C12orf42: variants seen among roughly 807,000 people sequenced by gnomAD.
C12orf42 encodes the protein chromosome 12 open reading frame 42.
Under a neutral mutation model 21.6 loss-of-function variants are expected in C12orf42, and 25 were observed. That is an observed-to-expected ratio of 1.16 (90% CI 0.84 to 1.62). The LOEUF is 1.62. Among genes scored for constraint, C12orf42 ranks in the 40% most tolerant of loss-of-function variants. The pLI is 0.00. For missense variants in C12orf42, 483 were observed against 459.3 expected, an observed-to-expected ratio of 1.05 and a Z score of -0.47; for synonymous variants, 174 against 175.0, an observed-to-expected ratio of 0.99 and a Z score of 0.05.
chr12:103,247,594 T>C (rs556954252), intron 10 of C12orf42, among the ~76,000 whole-genome samples: 2 of 152,160 alleles, frequency 1.3e-5, no homozygotes, highest in East Asian at 3.9e-4. Flanking sequence ...GGCCAGCTTG[T>C]CCTCCTCACA....
chr12:103,540,326 C>T, the C12orf42 span, among the ~76,000 whole-genome samples: 1 of 152,114 alleles, frequency 6.6e-6, no homozygotes, highest in Non-Finnish European at 1.5e-5. Flanking sequence ...TTCTCATCTG[C>T]ACTTCTTAAT....
chr12:103,485,874 T>C (rs933448546), intron 1 of C12orf42, among the ~76,000 whole-genome samples: 3 of 152,230 alleles, frequency 2.0e-5, no homozygotes, highest in Non-Finnish European at 4.4e-5. Context: ...GACTTGGGGC[T>C]GAGATGATGG....
intron 5 of C12orf42, among the ~76,000 whole-genome samples, chr12:103,304,848 C>T (rs1026813531): frequency 6.6e-6 from 1 of 152,182 alleles, no homozygotes; most frequent in South Asian, 2.1e-4. Context: ...TGCTTGAGCA[C>T]TTCTAGCCCA....
At chr12:103,072,474 A>G in the C12orf42 span, among the ~76,000 whole-genome samples, 1 of 152,078 alleles carries the variant, frequency 6.6e-6, no homozygotes, top group African/African-American at 2.4e-5. Context: ...CATGGCCACA[A>G]ATATAAGAAT....
At chr12:103,488,083 G>C (rs1954954941) in intron 1 of C12orf42, among the ~76,000 whole-genome samples, 2 of 152,204 alleles carry the variant, frequency 1.3e-5, no homozygotes, top group African/African-American at 4.8e-5. Context: ...TGTTTTTGCA[G>C]TGGCTGGTAC....
intron 4 of C12orf42, among the ~76,000 whole-genome samples, chr12:103,361,610 T>C (rs1593611683): frequency 8.2e-6 from 1 of 121,488 alleles, no homozygotes; most frequent in East Asian, 3.0e-4. Context: ...GAGAGGCTGC[T>C]AGTCCAGGGA....
chr12:103,349,936 A>T (rs2042967711), intron 4 of C12orf42, among the ~76,000 whole-genome samples: 1 of 152,158 alleles, frequency 6.6e-6, no homozygotes, highest in African/African-American at 2.4e-5. Flanking sequence ...CTTGCTTTAC[A>T]AAGGAATTAA....
chr12:103,095,923 G>T, the C12orf42 span, among the ~76,000 whole-genome samples: 1 of 152,288 alleles, frequency 6.6e-6, no homozygotes, highest in East Asian at 1.9e-4. Flanking sequence ...TGATAAGATT[G>T]CCCAGTTCTG....
chr12:103,517,107 G>T, the C12orf42 span, among the ~76,000 whole-genome samples: 13 of 152,192 alleles, frequency 8.5e-5, no homozygotes, highest in Admixed American at 2.0e-4. Context: ...AATCAGGTTG[G>T]TGACATAATA....
chr12:103,420,043 A>G (rs1016539385), intron 2 of C12orf42, among the ~76,000 whole-genome samples: 9 of 152,244 alleles, frequency 5.9e-5, no homozygotes, highest in Admixed American at 5.9e-4. Context: ...GATATCATAT[A>G]AAATTGCATT....
rs745474050 is a variant in C12orf42, at chr12:103,302,365, C to T, written c.826G>A (p.Gly276Ser). 2.1e-5 allele frequency: 34 copies of T among 1,613,954 alleles called. No individual in the cohort carries two copies. The East Asian group carries it at 6.7e-4, about 32-fold the overall frequency. ...ATCTCCGGCGCCATGGCAACCGCGC[C>T]TTTTCCGACGGGATTTCCGGACGCG... ...LGASGNPVGKGAVAMAPEMLP... is the reference protein window; with the variant it reads ...LGASGNPVGKSAVAMAPEMLP... Residue 276 changes from glycine (G) to serine (S), a missense_variant, in exon 6 of 6, where the codon GGC (glycine) becomes AGC (serine). Coordinates refer to ENST00000548883, the MANE Select transcript of C12orf42 (RefSeq NM_198521.5).
chr12:103,211,438 A>G, the C12orf42 span, among the ~76,000 whole-genome samples: 1 of 152,176 alleles, frequency 6.6e-6, no homozygotes, highest in Non-Finnish European at 1.5e-5. Flanking sequence ...GTTACTACTA[A>G]GATTAAGTTA....
the C12orf42 span, among the ~76,000 whole-genome samples, chr12:103,516,912 G>T: frequency 1.3e-5 from 2 of 152,144 alleles, no homozygotes; most frequent in African/African-American, 4.8e-5. Context: ...GCATAGTTTT[G>T]AACATAGGAA....
intron 3 of C12orf42, among the ~76,000 whole-genome samples, chr12:103,384,584 C>T (rs1241490507): frequency 6.6e-6 from 1 of 152,182 alleles, no homozygotes; most frequent in Non-Finnish European, 1.5e-5. Flanking sequence ...TCCTTCTTGA[C>T]TGAGGGCTAA....
chr12:103,561,614 T>C, the C12orf42 span, among the ~76,000 whole-genome samples: 1 of 152,168 alleles, frequency 6.6e-6, no homozygotes, highest in Non-Finnish European at 1.5e-5. Context: ...AGGGTTAGGA[T>C]TTCAACGTAT....
chr12:103,105,569 C>T, the C12orf42 span, among the ~76,000 whole-genome samples: 1 of 152,102 alleles, frequency 6.6e-6, no homozygotes, highest in Non-Finnish European at 1.5e-5. Context: ...CTGATGGGAT[C>T]TGTACACCAA....
the C12orf42 span, among the ~76,000 whole-genome samples, chr12:103,187,465 G>T: frequency 6.6e-6 from 1 of 152,182 alleles, no homozygotes; most frequent in African/African-American, 2.4e-5. Context: ...GGGCAGATGG[G>T]ATGACCACTG....
intron 10 of C12orf42, among the ~76,000 whole-genome samples, chr12:103,260,893 T>C (rs1280133582): frequency 6.6e-6 from 1 of 152,200 alleles, no homozygotes; most frequent in Non-Finnish European, 1.5e-5. Context: ...TTTGTGGCTT[T>C]CTTAGTTGTC....
At chr12:103,210,642 T>TC in the C12orf42 span, among the ~76,000 whole-genome samples, 8 of 147,298 alleles carry the variant, frequency 5.4e-5, no homozygotes, top group Non-Finnish European at 1.2e-4. Context: ...TCTATTTCTT[T>TC]TTTTTTTTTT....
Sources: allele counts gnomAD v4.1 joint callset (sites outside exome capture counted in the v4.1 genomes callset), GRCh38; gene constraint gnomAD v4.1.1; transcripts MANE v1.5; gene names NCBI Gene and HGNC (gene_info 2026-07-23, HGNC 2026-07-21).